The following DAOA variants were observed in gnomAD, a reference collection of about 807,000 sequenced individuals.
DAOA encodes the protein D-amino acid oxidase activator.
Under a neutral mutation model 16.4 loss-of-function variants are expected in DAOA, and 15 were observed. The ratio of observed to expected loss-of-function variants is 0.91; its 90% CI spans 0.61 to 1.41. The LOEUF (loss-of-function observed/expected upper bound fraction) is 1.41, where lower values mean the gene tolerates loss of function less well. DAOA is among the 40% of genes most tolerant of loss of function. The pLI, the probability that DAOA is intolerant of heterozygous loss-of-function variation, is 0.00. For missense variants in DAOA, 230 were observed against 176.8 expected (o/e 1.30, Z -1.71); for synonymous variants, 75 against 59.1 (o/e 1.27, Z -1.23).
In DAOA at chr13:105,472,649, G is replaced by T. The variant is rs776469368; in HGVS notation, c.245G>T (p.Cys82Phe). Reference protein sequence around the residue: ...MAQRHLQRSLCPWVSYLPQPY... With the variant: ...MAQRHLQRSLFPWVSYLPQPY... Reference sequence around the variant, plus strand: ...CAGAGGCATTTACAGAGATCATTATGTCCTTGGGTCTCTTACCTTCCTCAG... The same window carrying T: ...CAGAGGCATTTACAGAGATCATTATTTCCTTGGGTCTCTTACCTTCCTCAG... Residue 82 changes from cysteine to phenylalanine, a missense_variant, in exon 4 of 6, where the codon TGT (cysteine) becomes TTT (phenylalanine). Physicochemically the swap from Cys to Phe is radical, Grantham distance 205. Coordinates refer to ENST00000375936, the MANE Select transcript of DAOA (RefSeq NM_172370.5). 1 of 1,613,924 alleles carries T rather than the reference G, an allele frequency of 6.2e-7. No homozygotes were observed. The highest frequency in any genetic ancestry group is 8.5e-7 in the Non-Finnish European group (1 of 1,179,926).
intron 4 of DAOA, 81 bp from the exon 5 acceptor site, chr13:105,489,820 G>A (rs751068079): frequency 6.2e-7 from 1 of 1,612,940 alleles, no homozygotes; most frequent in South Asian, 1.1e-5. Context: ...AATGGAACAT[G>A]GGAAAGGTGA....
intron 4 of DAOA, among the ~76,000 whole-genome samples, chr13:105,482,628 G>A (rs1877830592): frequency 6.6e-6 from 1 of 151,488 alleles, no homozygotes; most frequent in Non-Finnish European, 1.5e-5. Context: ...TCCTGCCTCA[G>A]CCTCCTGGAA....
At chr13:105,466,168 G>A (rs1010837564) in intron 1 of DAOA, 48 bp from the exon 2 acceptor site, 4 of 1,486,568 alleles carry the variant, frequency 2.7e-6, no homozygotes, top group East Asian at 4.7e-5. Flanking sequence ...CAAATTAGTG[G>A]CTTAAAGTAA....
intron 4 of DAOA, among the ~76,000 whole-genome samples, chr13:105,475,485 T>A (rs1557072): frequency 6.6e-6 from 1 of 152,114 alleles, no homozygotes. Flanking sequence ...AAAATGGTTC[T>A]CTTGTCAGAG....
At chr13:105,468,609 T>A (rs1478192948) in intron 3 of DAOA, among the ~76,000 whole-genome samples, 1 of 152,202 alleles carries the variant, frequency 6.6e-6, no homozygotes, top group African/African-American at 2.4e-5. Flanking sequence ...AGATATGAAA[T>A]GAATTTAAAA....
chr13:105,470,836 G>A (rs1876884789), intron 3 of DAOA, among the ~76,000 whole-genome samples: 1 of 151,734 alleles, frequency 6.6e-6, no homozygotes, highest in Admixed American at 6.6e-5. Flanking sequence ...TGTGGCCCAG[G>A]CTCGAGTGCA....
chr13:105,474,368 G>T (rs935880394), intron 4 of DAOA, among the ~76,000 whole-genome samples: 3 of 152,000 alleles, frequency 2.0e-5, no homozygotes, highest in Admixed American at 6.6e-5. Context: ...GTGCATGCGC[G>T]TGTGTGTGTG....
Position 105,472,556 on chromosome 13 carries a change from GAAGA to G in DAOA, c.153_156del (p.Glu53ArgfsTer2). 2 of 1,613,954 alleles carry G rather than the reference GAAGA, an allele frequency of 1.2e-6. No individual in the cohort carries two copies. The highest frequency in any genetic ancestry group is 8.5e-7 in the Non-Finnish European group (1 of 1,179,928). On this transcript the variant is annotated frameshift_variant, in exon 4 of 6. Transcript: ENST00000375936. LOFTEE classifies it high-confidence loss of function. ...GTTGCAGCAAAGGAGACAGAAGAAG[GAAGA>G]GAGACGGTAACAAGGAAAGAAGGAT...
chr13:105,481,466 C>T (rs900889899), intron 4 of DAOA, among the ~76,000 whole-genome samples: 10 of 152,238 alleles, frequency 6.6e-5, no homozygotes, highest in African/African-American at 2.2e-4. Context: ...TCTGAAGTGG[C>T]TATTTCATAT....
chr13:105,475,934 TA>T (rs1566377062), intron 4 of DAOA, among the ~76,000 whole-genome samples: 1 of 152,076 alleles, frequency 6.6e-6, no homozygotes. Context: ...GTGTTTTGCA[TA>T]AAGAAAAACT....
intron 4 of DAOA, among the ~76,000 whole-genome samples, chr13:105,473,329 T>C (rs1228782256): frequency 2.6e-5 from 4 of 152,158 alleles, no homozygotes; most frequent in Admixed American, 1.3e-4. Flanking sequence ...TATTTAATTA[T>C]GTGTTCACAT....
chr13:105,477,627 G>A (rs1408424342), intron 4 of DAOA, among the ~76,000 whole-genome samples: 2 of 152,216 alleles, frequency 1.3e-5, no homozygotes, highest in Non-Finnish European at 2.9e-5. Flanking sequence ...GGGAAGCTGA[G>A]GAGGGAGGAT....
At chr13:105,466,497 TTC>T in intron 2 of DAOA, 165 bp downstream of exon 2, 1 of 1,161,562 alleles carries the variant, frequency 8.6e-7, no homozygotes, top group Non-Finnish European at 1.2e-6. Context: ...TTCTCCCATA[TTC>T]TGTCAGTCAA....
At position 105,489,972 on chromosome 13, in the gene DAOA, C is replaced by A. The variant is rs72549492; in HGVS notation, c.353C>A (p.Ala118Asp). 4 of 1,613,458 alleles carry A rather than the reference C, an allele frequency of 2.5e-6. No homozygotes were observed. In the African/African-American group the frequency reaches 4.0e-5, roughly 16 times the overall value. The change falls in exon 5 of 6, where the codon GCC becomes GAC. Residue 118 changes from alanine (A) to aspartate (D), a missense_variant. By Grantham distance (126) the Ala-to-Asp change is moderately radical. Transcript: ENST00000375936. ...AACTATGAGTTCCTTGCCTATGAGG[C>A]CTCTAAGGACCGCAGGCAGCCTCTA... is the stretch of plus-strand genomic sequence containing the variant. Reference protein sequence around the residue: ...ARNYEFLAYEASKDRRQPLER... With the variant: ...ARNYEFLAYEDSKDRRQPLER...
At chr13:105,482,595 C>T (rs139244429) in intron 4 of DAOA, among the ~76,000 whole-genome samples, 18,066 of 151,426 alleles carry the variant, frequency 0.12, 1,172 homozygotes, top group South Asian at 0.23. Flanking sequence ...CTGCAACCTC[C>T]GCCTCCCAGG....
intron 3 of DAOA, among the ~76,000 whole-genome samples, chr13:105,471,212 G>T (rs1876932333): frequency 6.6e-6 from 1 of 152,166 alleles, no homozygotes; most frequent in African/African-American, 2.4e-5. Flanking sequence ...GAAGATGTGA[G>T]CCACCACACC....
Position 105,486,841 on chromosome 13 carries a change from A to C in DAOA, c.282-3060A>C, listed in dbSNP as rs527433095. On this transcript the variant is annotated intron_variant, in intron 4 of 5. Transcript: ENST00000375936. ...CACCATGTTGGCCCAGCTGGTCTCA[A>C]ACTCCTGACCTCCAGTGATCTGCCC... is the stretch of plus-strand genomic sequence containing the variant. Among the ~76,000 whole-genome samples, 7 of 152,116 alleles carry C rather than the reference A, an allele frequency of 4.6e-5. No individual in the cohort carries two copies. The East Asian group carries it at 1.2e-3, about 25-fold the overall frequency.
chr13:105,480,846 T>C (rs1427032950), intron 4 of DAOA, among the ~76,000 whole-genome samples: 1 of 152,142 alleles, frequency 6.6e-6, no homozygotes, highest in African/African-American at 2.4e-5. Context: ...CCTTCCTCTA[T>C]CTTATTCCAT....
intron 3 of DAOA, 119 bp from the exon 4 acceptor site, chr13:105,472,419 G>C (rs1877022009): frequency 1.4e-6 from 2 of 1,383,616 alleles, no homozygotes; most frequent in South Asian, 3.3e-5. Flanking sequence ...AAAAACCTCT[G>C]AAAAATTAAG....
Sources: allele counts gnomAD v4.1 joint callset (sites outside exome capture counted in the v4.1 genomes callset), GRCh38; gene constraint gnomAD v4.1.1; transcripts MANE v1.5; gene names NCBI Gene and HGNC (gene_info 2026-07-23, HGNC 2026-07-21).